Variants in LYPLAL1 observed in about 807,000 individuals in gnomAD.
LYPLAL1 encodes lysophospholipase-like protein 1.
In LYPLAL1, 23 loss-of-function variants were observed where a neutral mutation model predicts 19.7. The observed-to-expected ratio is 1.17, with a 90% CI of 0.84 to 1.65. The LOEUF (loss-of-function observed/expected upper bound fraction) is 1.65. Among genes scored for constraint, LYPLAL1 ranks in the 40% most tolerant of loss-of-function variants. The pLI is 0.00. For missense variants in LYPLAL1, 355 were observed against 279.4 expected (o/e 1.27, Z -1.93); for synonymous variants, 119 against 96.3 (o/e 1.24, Z -1.38).
chr1:219,182,515 G>A (rs907969350), intron 2 of LYPLAL1, among the ~76,000 whole-genome samples: 7 of 152,034 alleles, frequency 4.6e-5, no homozygotes, highest in Middle Eastern at 3.2e-3. Flanking sequence ...TTCCGGTGAC[G>A]TCAAAAGGAG....
the LYPLAL1 span, among the ~76,000 whole-genome samples, chr1:219,348,308 T>C: frequency 6.6e-6 from 1 of 152,128 alleles, no homozygotes; most frequent in Non-Finnish European, 1.5e-5. Context: ...GGAGCTGCTG[T>C]AGTGAGTGAA....
chr1:219,297,032 G>C, the LYPLAL1 span, among the ~76,000 whole-genome samples: 4 of 152,172 alleles, frequency 2.6e-5, no homozygotes, highest in Non-Finnish European at 5.9e-5. Flanking sequence ...CTTGTTTGAG[G>C]TGGAATTCCT....
At chr1:219,381,243 C>T in the LYPLAL1 span, among the ~76,000 whole-genome samples, 1 of 152,190 alleles carries the variant, frequency 6.6e-6, no homozygotes, top group Non-Finnish European at 1.5e-5. Flanking sequence ...GCTCTCTTGC[C>T]TGCTGCCATG....
intron 4 of LYPLAL1, among the ~76,000 whole-genome samples, chr1:219,211,090 A>T (rs1482942440): frequency 6.6e-6 from 1 of 152,154 alleles, no homozygotes; most frequent in Non-Finnish European, 1.5e-5. Flanking sequence ...TCAGTACCAG[A>T]AGTGGAAATG....
At chr1:219,442,463 C>T in the LYPLAL1 span, 2 of 152,166 alleles carry the variant, frequency 1.3e-5, no homozygotes, top group Non-Finnish European at 2.9e-5. Context: ...CCCACATGTC[C>T]CAAATCCTCG....
At chr1:219,380,751 G>A in the LYPLAL1 span, among the ~76,000 whole-genome samples, 8 of 152,182 alleles carry the variant, frequency 5.3e-5, no homozygotes, top group East Asian at 1.5e-3. Context: ...TATTTCAGGA[G>A]TTGGCAAACT....
chr1:219,437,848 C>A, the LYPLAL1 span, among the ~76,000 whole-genome samples: 2 of 151,778 alleles, frequency 1.3e-5, no homozygotes, highest in East Asian at 1.9e-4. Flanking sequence ...CTCACTGCAA[C>A]CTCCACCTCC....
chr1:219,219,918 G>A, the LYPLAL1 span, among the ~76,000 whole-genome samples: 2 of 149,674 alleles, frequency 1.3e-5, no homozygotes, highest in African/African-American at 4.9e-5. Flanking sequence ...AATTTAAGGT[G>A]CTTGCAACAG....
chr1:219,300,530 C>CTTTTTT, the LYPLAL1 span, among the ~76,000 whole-genome samples: 5 of 81,984 alleles, frequency 6.1e-5, no homozygotes, highest in East Asian at 3.5e-4. Context: ...TTTATCCTAA[C>CTTTTTT]TTTTTTTTTT....
chr1:219,313,787 G>A, the LYPLAL1 span, among the ~76,000 whole-genome samples: 3 of 152,158 alleles, frequency 2.0e-5, no homozygotes, highest in African/African-American at 4.8e-5. Context: ...CACCCACCTC[G>A]GCCTCCCAAA....
At chr1:219,247,000 A>G in the LYPLAL1 span, among the ~76,000 whole-genome samples, 1 of 152,286 alleles carries the variant, frequency 6.6e-6, no homozygotes, top group South Asian at 2.1e-4. Context: ...GAGCACATAC[A>G]CCTTCTTCCC....
chr1:219,361,454 A>G, the LYPLAL1 span, among the ~76,000 whole-genome samples: 1 of 152,160 alleles, frequency 6.6e-6, no homozygotes. Context: ...GAGTGTGTGC[A>G]TCTGTGTTTC....
chr1:219,277,499 A>G, the LYPLAL1 span, among the ~76,000 whole-genome samples: 2 of 152,160 alleles, frequency 1.3e-5, no homozygotes, highest in Admixed American at 6.5e-5. Flanking sequence ...CATACAGATG[A>G]CACAAAGAGG....
chr1:219,211,509 T>C lies in LYPLAL1; in HGVS notation c.495T>C (p.Asn165=). The change falls in exon 5 of 5, where the codon AAT becomes AAC. Residue 165 remains asparagine, a synonymous_variant. Transcript: ENST00000366928. ...TTCTCTAGGCTCTTCAGAAGAGTAA[T>C]GGTGTACTTCCTGAATTATTTCAGT... ...SAVYQALQKS[N]GVLPELFQCH... 6.2e-7 allele frequency: 1 copy of C among 1,605,580 alleles called. No individual in the cohort carries two copies. The highest frequency in any genetic ancestry group is 8.5e-7 in the Non-Finnish European group (1 of 1,173,226).
chr1:219,254,708 A>G, the LYPLAL1 span, among the ~76,000 whole-genome samples: 3 of 151,928 alleles, frequency 2.0e-5, no homozygotes, highest in Admixed American at 6.6e-5. Flanking sequence ...GCTGCCTTTA[A>G]CATTCTTTCA....
chr1:219,262,754 G>A, the LYPLAL1 span, among the ~76,000 whole-genome samples: 2 of 152,218 alleles, frequency 1.3e-5, no homozygotes, highest in Non-Finnish European at 2.9e-5. Flanking sequence ...GAGGGAAGTA[G>A]ACTCTGTGAG....
the LYPLAL1 span, among the ~76,000 whole-genome samples, chr1:219,403,661 T>TGCAGTGTACA: frequency 6.6e-6 from 1 of 152,194 alleles, no homozygotes. Context: ...AACCTCTGGA[T>TGCAGTGTACA]GCAGTGTACA....
chr1:219,257,531 G>A, the LYPLAL1 span, among the ~76,000 whole-genome samples: 11 of 151,826 alleles, frequency 7.2e-5, no homozygotes, highest in Admixed American at 2.6e-4. Flanking sequence ...ATCACATATC[G>A]GTAGGTCTGT....
chr1:219,276,857 C>T, the LYPLAL1 span, among the ~76,000 whole-genome samples: 837 of 152,186 alleles, frequency 5.5e-3, 6 homozygotes, highest in Non-Finnish European at 7.2e-3. Context: ...TACAAGAGCT[C>T]GGGTATAGAA....
Sources: allele counts gnomAD v4.1 joint callset (sites outside exome capture counted in the v4.1 genomes callset), GRCh38; gene constraint gnomAD v4.1.1; transcripts MANE v1.5; gene names NCBI Gene and HGNC (gene_info 2026-07-23, HGNC 2026-07-21).